The following P2RX4 variants were observed in gnomAD, a reference collection of about 807,000 sequenced individuals.
P2RX4 encodes purinergic receptor P2X 4.
P2RX4 carries 37 observed loss-of-function variants against 48.0 expected under a neutral mutation model. That is an observed-to-expected ratio of 0.77 (90% confidence interval 0.59 to 1.01). P2RX4 has a LOEUF of 1.01. P2RX4 is among the 50% of genes least tolerant of loss of function. The probability of loss-of-function intolerance (pLI) is 0.00; values close to 1 mark genes in which losing one functional copy is unlikely to be tolerated. For synonymous variants in P2RX4, 200 were observed against 199.7 expected (o/e 1.00, Z -0.01); for missense variants, 501 against 521.4 (o/e 0.96, Z 0.38).
chr12:121,222,999 G>A lies in P2RX4; in HGVS notation c.480G>A (p.Glu160=), dbSNP rs923438737. ...VAFNGSVKTC[E]VAAWCPVEDD... is the part of the protein sequence containing the mutation. ...TCAACGGGTCTGTCAAGACGTGTGA[G>A]GTGGCGGCCTGGTGCCCGGTGGAGG... The change falls in exon 5 of 12, where the codon GAG becomes GAA. Residue 160 remains glutamate, a synonymous_variant. Transcript: ENST00000337233. 2 of 1,613,806 alleles carry A rather than the reference G, an allele frequency of 1.2e-6. No homozygotes were observed. The highest frequency in any genetic ancestry group is 1.3e-5 in the African/African-American group (1 of 75,048).
At chr12:121,212,981 C>T (rs116953937) in intron 1 of P2RX4, 2 of 151,186 alleles carry the variant, frequency 1.3e-5, no homozygotes, top group African/African-American at 4.9e-5. Context: ...CCTTAGGGTA[C>T]CTGTAAAATT....
intron 1 of P2RX4, 129 bp downstream of exon 1, chr12:121,210,427 T>G: frequency 2.2e-6 from 2 of 908,352 alleles, no homozygotes; most frequent in Non-Finnish European, 2.9e-6. Context: ...ACACCTTCCC[T>G]GGGCCCCAGC....
chr12:121,233,140 GT>G, intron 11 of P2RX4, 48 bp downstream of exon 11: 1 of 1,352,820 alleles, frequency 7.4e-7, no homozygotes, highest in East Asian at 2.3e-5. Flanking sequence ...CATCTCTTGG[GT>G]GTGGGAGCCC....
chr12:121,223,364 C>G, intron 5 of P2RX4: 1 of 354,806 alleles, frequency 2.8e-6, no homozygotes, highest in Non-Finnish European at 5.4e-6. Flanking sequence ...GCGGGAGCCA[C>G]CACACCCAGC....
At chr12:121,211,193 T>C (rs1885817285) in intron 1 of P2RX4, among the ~76,000 whole-genome samples, 1 of 152,188 alleles carries the variant, frequency 6.6e-6, no homozygotes, top group South Asian at 2.1e-4. Flanking sequence ...AAGGCACCTG[T>C]TACTTTTTTA....
intron 5 of P2RX4, among the ~76,000 whole-genome samples, chr12:121,225,961 C>T (rs950431758): frequency 2.4e-4 from 37 of 152,044 alleles, no homozygotes; most frequent in African/African-American, 6.5e-4. Flanking sequence ...ACTGCAGCTT[C>T]GAACTCCTGG....
intron 2 of P2RX4, among the ~76,000 whole-genome samples, chr12:121,221,207 AAAGTTTCACC>A (rs1886589380): frequency 6.9e-6 from 1 of 144,276 alleles, no homozygotes; most frequent in Non-Finnish European, 1.6e-5. Context: ...TTTTTAGTAC[AAAGTTTCACC>A]ATGTTGGCCA....
intron 8 of P2RX4, among the ~76,000 whole-genome samples, chr12:121,230,982 A>ATTTTT (rs1306580537): frequency 8.8e-6 from 1 of 113,256 alleles, no homozygotes; most frequent in Admixed American, 8.7e-5. Flanking sequence ...ATATATATAT[A>ATTTTT]TTTTTTTTTT....
At chr12:121,223,706 G>A (rs954832110) in intron 5 of P2RX4, among the ~76,000 whole-genome samples, 5 of 152,206 alleles carry the variant, frequency 3.3e-5, no homozygotes, top group African/African-American at 1.2e-4. Flanking sequence ...ACACATGCGT[G>A]CACAGCGGGG....
At position 121,212,822 on chromosome 12, in the gene P2RX4, A is replaced by ATTTTTTT. The variant is rs1358375217; in HGVS notation, c.134+2525_134+2526insTTTTTTT. On this transcript the variant is annotated intron_variant, in intron 1 of 11. Coordinates refer to ENST00000337233, the MANE Select transcript of P2RX4 (RefSeq NM_002560.3). The stretch of plus-strand genomic sequence containing the variant: ...TATATATATATATATATATATATAT[A>ATTTTTTT]TATTTTTTTTTTTTTTTTGGAGACT... 352 of 42,774 alleles carry ATTTTTTT rather than the reference A, an allele frequency of 8.2e-3. 10 individuals are homozygous for ATTTTTTT. Among genetic ancestry groups the ATTTTTTT allele is most frequent in the Non-Finnish European group, 0.01 (281 of 27,242 alleles). 2.6% of individuals were successfully genotyped at this position (42,774 alleles called of 1,614,324 possible).
At chr12:121,226,501 C>T (rs1439231731) in intron 5 of P2RX4, among the ~76,000 whole-genome samples, 1 of 152,058 alleles carries the variant, frequency 6.6e-6, no homozygotes, top group Non-Finnish European at 1.5e-5. Flanking sequence ...CAAGATCATG[C>T]CACTGCGCTC....
At chr12:121,228,635 G>C (rs1169631021) in intron 6 of P2RX4, 22 bp downstream of exon 6, 8 of 1,611,974 alleles carry the variant, frequency 5.0e-6, no homozygotes, top group Non-Finnish European at 5.9e-6. Context: ...CCAGGTGTGT[G>C]AGTTCACCAG....
At chr12:121,219,078 T>G (rs1222946681) in intron 2 of P2RX4, among the ~76,000 whole-genome samples, 1 of 152,132 alleles carries the variant, frequency 6.6e-6, no homozygotes, top group Non-Finnish European at 1.5e-5. Flanking sequence ...CCATACTGGA[T>G]TGTTCCAAGT....
chr12:121,222,335 C>T, intron 4 of P2RX4, 169 bp downstream of exon 4: 2 of 613,844 alleles, frequency 3.3e-6, no homozygotes, highest in South Asian at 3.9e-5. Context: ...CATTGGAGCC[C>T]CACAAGCCAT....
chr12:121,233,069 A>G lies in P2RX4; in HGVS notation c.1117A>G (p.Lys373Glu). 1 of 1,611,838 alleles carries G rather than the reference A, an allele frequency of 6.2e-7. No homozygotes were observed. The highest frequency in any genetic ancestry group is 8.5e-7 in the Non-Finnish European group (1 of 1,178,180). The change falls in exon 11 of 12, where the codon AAA becomes GAA. Residue 373 changes from lysine (K) to glutamate (E), a missense_variant. Physicochemically the swap from Lys to Glu is moderately conservative, Grantham distance 56. Coordinates refer to ENST00000337233, the MANE Select transcript of P2RX4 (RefSeq NM_002560.3). ...ACTCTACTATCGGGAGAAGAAATATAAATATGTGGAAGATTACGAGCAGGT... is the reference window on the plus strand; with the variant it reads ...ACTCTACTATCGGGAGAAGAAATATGAATATGTGGAAGATTACGAGCAGGT... Reference protein sequence around the residue: ...KRLYYREKKYKYVEDYEQGLA... With the variant: ...KRLYYREKKYEYVEDYEQGLA...
Sources: gnomAD v4.1 joint callset for allele counts (sites outside exome capture counted in the v4.1 genomes callset) on GRCh38, gnomAD v4.1.1 for gene constraint, MANE v1.5 for transcripts, NCBI Gene and HGNC (gene_info 2026-07-23, HGNC 2026-07-21) for gene names.